The following PTPRD variants were observed in gnomAD, a reference collection of about 807,000 sequenced individuals.
PTPRD encodes receptor-type tyrosine-protein phosphatase delta.
In PTPRD, 34 loss-of-function variants were observed where a neutral mutation model predicts 214.5. The observed-to-expected ratio is 0.16, with a 90% confidence interval of 0.12 to 0.21. The LOEUF is 0.21. PTPRD is among the 10% of genes least tolerant of loss of function. The pLI is 1.00. For missense variants in PTPRD, 2,545 were observed against 2,398.7 expected, an observed-to-expected ratio of 1.06 and a Z score of -1.27; for synonymous variants, 1,128 against 845.7, an observed-to-expected ratio of 1.33 and a Z score of -5.79.
At chr9:10,163,710 A>C (rs935368959) in intron 3 of PTPRD, among the ~76,000 whole-genome samples, 1 of 151,450 alleles carries the variant, frequency 6.6e-6, no homozygotes, top group African/African-American at 2.4e-5. Flanking sequence ...AAAGCACAAT[A>C]TATTCTCAAA....
chr9:8,764,728 G>A (rs1220251376), intron 11 of PTPRD, among the ~76,000 whole-genome samples: 4 of 151,854 alleles, frequency 2.6e-5, no homozygotes, highest in Non-Finnish European at 5.9e-5. Flanking sequence ...CCGGGAGCTG[G>A]AGGTTGCAGT....
intron 13 of PTPRD, among the ~76,000 whole-genome samples, chr9:8,635,201 T>A (rs939957603): frequency 1.3e-5 from 2 of 151,066 alleles, no homozygotes; most frequent in South Asian, 2.1e-4. Context: ...ATGACTCTCA[T>A]GGGGAATTAG....
intron 14 of PTPRD, among the ~76,000 whole-genome samples, chr9:8,543,961 C>T (rs2079160046): frequency 6.6e-6 from 1 of 152,108 alleles, no homozygotes; most frequent in African/African-American, 2.4e-5. Flanking sequence ...CTGCCCACCT[C>T]AGCCTCCCAA....
intron 2 of PTPRD, among the ~76,000 whole-genome samples, chr9:10,392,024 T>G (rs2098078293): frequency 6.6e-6 from 1 of 151,856 alleles, no homozygotes; most frequent in Admixed American, 6.6e-5. Flanking sequence ...TTCCCTTCCC[T>G]ACTACGTTTT....
At chr9:8,834,884 G>A (rs116143614) in intron 11 of PTPRD, among the ~76,000 whole-genome samples, 2,235 of 152,302 alleles carry the variant, frequency 0.015, 43 homozygotes, top group African/African-American at 0.051. Flanking sequence ...AAAAGCAAGT[G>A]AAAAAGAGCT....
intron 4 of PTPRD, among the ~76,000 whole-genome samples, chr9:9,955,973 G>A (rs1566704971): frequency 6.6e-6 from 1 of 152,082 alleles, no homozygotes; most frequent in Admixed American, 6.5e-5. Context: ...GAGTGGTGGG[G>A]GGGATCTAAA....
Position 10,514,176 on chromosome 9 carries a change from C to G in PTPRD, c.-600+98222G>C, listed in dbSNP as rs116178472. On this transcript the variant is annotated intron_variant, in intron 2 of 45. Transcript: ENST00000381196. Reference sequence around the variant, plus strand: ...ATAAAATGAATAATCAACTACCAATCAATAAATACAAATTTATACATAGAT... The same window carrying G: ...ATAAAATGAATAATCAACTACCAATGAATAAATACAAATTTATACATAGAT... 3.3e-3 allele frequency among the ~76,000 whole-genome samples: 498 copies of G among 152,096 alleles called. 5 individuals carry two copies. Among genetic ancestry groups the G allele is most frequent in the African/African-American group, 0.011 (470 of 41,532 alleles).
chr9:9,773,123 G>C (rs2098766921), intron 5 of PTPRD, among the ~76,000 whole-genome samples: 1 of 152,118 alleles, frequency 6.6e-6, no homozygotes, highest in Non-Finnish European at 1.5e-5. Flanking sequence ...TAGATGAAGA[G>C]ATAAGTGTAT....
intron 35 of PTPRD, among the ~76,000 whole-genome samples, chr9:8,407,657 G>A (rs1430963582): frequency 1.3e-5 from 2 of 152,082 alleles, no homozygotes; most frequent in Non-Finnish European, 2.9e-5. Flanking sequence ...TGTCATTCTG[G>A]GGCAATTACA....
intron 4 of PTPRD, among the ~76,000 whole-genome samples, chr9:9,984,586 C>T (rs2095646679): frequency 6.6e-6 from 1 of 152,124 alleles, no homozygotes; most frequent in South Asian, 2.1e-4. Flanking sequence ...CCGTGGCTAC[C>T]TTCTGGAATA....
At chr9:10,316,172 TATAC>T (rs2096422421) in intron 3 of PTPRD, among the ~76,000 whole-genome samples, 1 of 146,976 alleles carries the variant, frequency 6.8e-6, no homozygotes, top group South Asian at 2.1e-4. Context: ...TCTATGTATA[TATAC>T]ATAGATATAC....
intron 3 of PTPRD, among the ~76,000 whole-genome samples, chr9:10,110,704 G>A (rs537920226): frequency 1.3e-5 from 2 of 152,274 alleles, no homozygotes; most frequent in South Asian, 2.1e-4. Flanking sequence ...TATCCAATCC[G>A]TAAAAGGTTG....
chr9:9,614,528 G>T (rs563070235), intron 7 of PTPRD, among the ~76,000 whole-genome samples: 1 of 152,156 alleles, frequency 6.6e-6, no homozygotes, highest in African/African-American at 2.4e-5. Flanking sequence ...AAGTTATCAT[G>T]GTCTATTGTG....
intron 2 of PTPRD, among the ~76,000 whole-genome samples, chr9:10,526,373 G>C (rs541760644): frequency 1.5e-4 from 23 of 152,008 alleles, no homozygotes; most frequent in Non-Finnish European, 3.4e-4. Flanking sequence ...ACATTTTTAA[G>C]TATAATAATT....
At chr9:8,982,726 G>C (rs1165399271) in intron 11 of PTPRD, among the ~76,000 whole-genome samples, 1 of 151,778 alleles carries the variant, frequency 6.6e-6, no homozygotes. Context: ...TCTTTTTCTA[G>C]ATTATCAATT....
intron 5 of PTPRD, among the ~76,000 whole-genome samples, chr9:9,930,170 C>G (rs76944054): frequency 6.6e-6 from 1 of 152,096 alleles, no homozygotes; most frequent in African/African-American, 2.4e-5. Flanking sequence ...AAGGAAAAAC[C>G]AGACATCAGC....
chr9:10,427,289 T>C (rs888998436), intron 2 of PTPRD, among the ~76,000 whole-genome samples: 5 of 152,082 alleles, frequency 3.3e-5, no homozygotes, highest in Non-Finnish European at 5.9e-5. Flanking sequence ...ACAAATACAG[T>C]GTAAGCACAC....
intron 2 of PTPRD, among the ~76,000 whole-genome samples, chr9:10,346,622 T>G (rs56692606): frequency 2.0e-5 from 3 of 152,228 alleles, no homozygotes; most frequent in Admixed American, 6.5e-5. Context: ...TGAGGCATTA[T>G]CTTTTTCCAT....
At chr9:9,101,135 G>A (rs1044250538) in intron 10 of PTPRD, among the ~76,000 whole-genome samples, 3 of 151,570 alleles carry the variant, frequency 2.0e-5, no homozygotes, top group Non-Finnish European at 4.4e-5. Context: ...CAGGAGACCA[G>A]AAGCTTTAGC....
Sources: allele counts gnomAD v4.1 joint callset (sites outside exome capture counted in the v4.1 genomes callset), GRCh38; gene constraint gnomAD v4.1.1; transcripts MANE v1.5; gene names NCBI Gene and HGNC (gene_info 2026-07-23, HGNC 2026-07-21).